PTPRS: variants seen among roughly 807,000 people sequenced by gnomAD.
PTPRS encodes receptor-type tyrosine-protein phosphatase S.
Under a neutral mutation model 215.3 loss-of-function variants are expected in PTPRS, and 63 were observed. That is an observed-to-expected ratio of 0.29 (90% CI 0.24 to 0.36). PTPRS has a LOEUF of 0.36. Ranked by LOEUF, PTPRS falls within the 10% of genes least tolerant of loss-of-function variation. The pLI is 1.00. For missense variants in PTPRS, 2,258 were observed against 2,825.8 expected (o/e 0.80, Z 4.56); for synonymous variants, 1,404 against 1,191.4 (o/e 1.18, Z -3.68).
At chr19:5,326,748 T>G (rs1230073219) in intron 1 of PTPRS, among the ~76,000 whole-genome samples, 33 of 121,174 alleles carry the variant, frequency 2.7e-4, no homozygotes, top group South Asian at 5.6e-4. Context: ...AAAGAGAAAA[T>G]GAGGGAGAAG....
chr19:5,293,998 G>A lies in PTPRS; in HGVS notation c.-94-7764C>T, dbSNP rs1468156285. Among the ~76,000 whole-genome samples the A allele has an allele frequency of 1.3e-5, 2 of 152,182 alleles. No individual in the cohort carries two copies. Among genetic ancestry groups the A allele is most frequent in the African/African-American group, 2.4e-5 (1 of 41,448 alleles). On this transcript the variant is annotated intron_variant, in intron 1 of 37. Coordinates refer to ENST00000262963, the MANE Select transcript of PTPRS (RefSeq NM_002850.4). This position sits in a 1 kb window ranked among gnomAD's most constrained non-coding sequence, Gnocchi z 8.4. The stretch of plus-strand genomic sequence containing the variant: ...CGAGCCAGCGTTGCGCCCGGGGTGC[G>A]GGTTTGAAAACTCCACCGGAGGGGC...
chr19:5,253,030 A>G (rs2045272519), intron 9 of PTPRS, among the ~76,000 whole-genome samples: 1 of 152,192 alleles, frequency 6.6e-6, no homozygotes, highest in African/African-American at 2.4e-5. Context: ...ACCAGGCAGT[A>G]AAGACACTAC....
intron 1 of PTPRS, among the ~76,000 whole-genome samples, chr19:5,333,526 C>CA (rs1555812801): frequency 3.3e-5 from 5 of 151,530 alleles, no homozygotes; most frequent in Admixed American, 6.6e-5. Context: ...CACACACACA[C>CA]AATGCGATTC....
intron 6 of PTPRS, 95 bp downstream of exon 6, chr19:5,262,869 A>C: frequency 7.4e-7 from 1 of 1,344,396 alleles, no homozygotes; most frequent in Non-Finnish European, 1.0e-6. Context: ...AGTTACCATC[A>C]CGGTGGCTGT....
intron 1 of PTPRS, among the ~76,000 whole-genome samples, chr19:5,327,766 A>C (rs1376535312): frequency 6.6e-6 from 1 of 151,724 alleles, no homozygotes; most frequent in Non-Finnish European, 1.5e-5. Flanking sequence ...ACACCCGGCT[A>C]ATTTTTTTAC....
chr19:5,276,558 T>C (rs778125989), intron 2 of PTPRS, among the ~76,000 whole-genome samples: 16 of 148,366 alleles, frequency 1.1e-4, no homozygotes, highest in Non-Finnish European at 2.4e-4. Context: ...TTGTTTTTTT[T>C]GAGACAGAAT....
intron 1 of PTPRS, among the ~76,000 whole-genome samples, chr19:5,325,656 TCTGTGCTCCCCAAGCA>T (rs1285501291): frequency 6.6e-6 from 1 of 152,212 alleles, no homozygotes; most frequent in Non-Finnish European, 1.5e-5. Flanking sequence ...CCACCGGCAA[TCTGTGCTCCCCAAGCA>T]CTGGGGCTGA....
chr19:5,208,875 T>A (rs1316785921), intron 35 of PTPRS, among the ~76,000 whole-genome samples: 1 of 152,068 alleles, frequency 6.6e-6, no homozygotes, highest in Non-Finnish European at 1.5e-5. Flanking sequence ...CAGCTCCTAT[T>A]CACCATGATC....
At chr19:5,304,441 C>T (rs2049410467) in intron 1 of PTPRS, among the ~76,000 whole-genome samples, 2 of 152,046 alleles carry the variant, frequency 1.3e-5, no homozygotes, top group Admixed American at 6.6e-5. Context: ...CACACCATTG[C>T]ACTCCAGCCT....
At chr19:5,296,341 C>G (rs1600059468) in intron 1 of PTPRS, among the ~76,000 whole-genome samples, 2 of 152,040 alleles carry the variant, frequency 1.3e-5, no homozygotes, top group African/African-American at 4.8e-5. Flanking sequence ...TCTACAAAAA[C>G]TTTTAAAAAT....
chr19:5,297,363 A>C (rs1298600861), intron 1 of PTPRS, among the ~76,000 whole-genome samples: 1 of 152,216 alleles, frequency 6.6e-6, no homozygotes, highest in African/African-American at 2.4e-5. Context: ...TCCCTCGCCT[A>C]GAGAGAAACT....
chr19:5,233,702 G>A (rs1301326341), intron 13 of PTPRS, among the ~76,000 whole-genome samples: 1 of 151,260 alleles, frequency 6.6e-6, no homozygotes, highest in East Asian at 1.9e-4. Flanking sequence ...CCAGCACTTT[G>A]GGAGGCCGAG....
rs2041770599 is a variant in PTPRS at position 5,219,339 on chromosome 19, G to A, written c.3894C>T (p.Cys1298=). The A allele has an allele frequency of 9.3e-6, 15 of 1,614,002 alleles. No individual in the cohort carries two copies. The highest frequency in any genetic ancestry group is 1.3e-5 in the African/African-American group (1 of 74,932). Residue 1298 remains cysteine, a synonymous_variant, in exon 23 of 38, where the codon TGC becomes TGT. Coordinates refer to ENST00000262963, the MANE Select transcript of PTPRS (RefSeq NM_002850.4). The part of the protein sequence containing the change: ...GPVLAVVFII[C]IVIAILLYKN... Reference sequence around the variant, plus strand: ...TGTAGAGCAGGATAGCAATGACAATGCAGATTATGAAGACCACGGCCAGCA... The same window carrying A: ...TGTAGAGCAGGATAGCAATGACAATACAGATTATGAAGACCACGGCCAGCA...
chr19:5,211,485 G>C (rs1285423181), intron 33 of PTPRS, 105 bp downstream of exon 33: 1 of 1,190,408 alleles, frequency 8.4e-7, no homozygotes, highest in Non-Finnish European at 1.2e-6. Context: ...ACAGCTCAGG[G>C]CTACCAGTAT....
chr19:5,320,392 T>C (rs759008053), intron 1 of PTPRS, among the ~76,000 whole-genome samples: 1 of 152,198 alleles, frequency 6.6e-6, no homozygotes, highest in Non-Finnish European at 1.5e-5. Context: ...AAGTGGCCAG[T>C]GTAGGGACAA....
intron 14 of PTPRS, among the ~76,000 whole-genome samples, chr19:5,230,752 T>C (rs1271385238): frequency 6.6e-6 from 1 of 152,190 alleles, no homozygotes; most frequent in Non-Finnish European, 1.5e-5. Context: ...TGAGCCACTG[T>C]GCTTGGCCAA....
chr19:5,206,915 G>A lies in PTPRS; in HGVS notation c.5779-73C>T, dbSNP rs1251216891. The A allele has an allele frequency of 1.8e-5, 26 of 1,414,392 alleles. No individual in the cohort carries two copies. The South Asian group carries it at 3.0e-4, about 16-fold the overall frequency. 87.6% of individuals were successfully genotyped at this position (1,414,392 alleles called of 1,614,324 possible). A position where few individuals can be genotyped will look rare whatever the true frequency, so the allele number is the denominator to read the frequency against. ...TCCCAGGGCTCCCTATCGCCCTCAG[G>A]AGCAGGCCAAGCTCCTCAGCCTTGT... On this transcript the variant is annotated intron_variant, in intron 37 of 37. Transcript: ENST00000262963.
rs112330690 is a variant in PTPRS, at chr19:5,210,812, G to GC, written c.5235-8dup. The GC allele has an allele frequency of 2.7e-5, 44 of 1,613,018 alleles. No homozygotes were observed. In the African/African-American group the frequency reaches 5.9e-4, roughly 21 times the overall value. On this transcript the variant is annotated splice_polypyrimidine_tract_variant and splice_region_variant and intron_variant, in intron 33 of 37. Transcript: ENST00000262963. The surrounding 1 kb of genome is among the most constrained non-coding windows in gnomAD (Gnocchi z 4.5). ...GATGTAGGCCTTCTGCTGCCTGCAG[G>GC]CGTTGGGGGTATGAGCCCAGGGCCG...
At chr19:5,330,741 G>A (rs1478222662) in intron 1 of PTPRS, among the ~76,000 whole-genome samples, 3 of 152,194 alleles carry the variant, frequency 2.0e-5, no homozygotes, top group African/African-American at 7.2e-5. Context: ...ATCCGAACCT[G>A]GGGCGTTCAG....
Sources: gnomAD v4.1 joint callset for allele counts (sites outside exome capture counted in the v4.1 genomes callset) on GRCh38, gnomAD v4.1.1 for gene constraint, Gnocchi (gnomAD v3.1) non-coding constraint, MANE v1.5 for transcripts, NCBI Gene and HGNC (gene_info 2026-07-23, HGNC 2026-07-21) for gene names.